Variants in PTCH1 observed in about 807,000 individuals in gnomAD.
PTCH1 encodes the protein protein patched homolog 1.
In PTCH1, 14 loss-of-function variants were observed where a neutral mutation model predicts 144.6. The ratio of observed to expected loss-of-function variants is 0.10; its 90% CI spans 0.06 to 0.15. PTCH1 has a LOEUF of 0.15. Among genes scored for constraint, PTCH1 ranks in the 10% least tolerant of loss-of-function variants. The probability of loss-of-function intolerance (pLI) is 1.00; values close to 1 mark genes in which losing one functional copy is unlikely to be tolerated. For missense variants in PTCH1, 1,623 were observed against 1,948.3 expected, an observed-to-expected ratio of 0.83 and a Z score of 3.14; for synonymous variants, 833 against 793.6, an observed-to-expected ratio of 1.05 and a Z score of -0.83.
intron 1 of PTCH1, chr9:95,506,987 G>A: frequency 1.0e-6 from 1 of 1,000,946 alleles, no homozygotes. Flanking sequence ...GGAGCCCAAG[G>A]TTCAGGAGCC....
chr9:95,495,654 C>T (rs1199098820), intron 2 of PTCH1, among the ~76,000 whole-genome samples: 1 of 152,036 alleles, frequency 6.6e-6, no homozygotes, highest in East Asian at 1.9e-4. Flanking sequence ...TTAGTTCCTC[C>T]TCTTCTAAAG....
rs45593537 is a variant in PTCH1, at chr9:95,446,796, G to A, written c.*1+115C>T. 4,116 of 1,373,134 alleles carry A rather than the reference G, an allele frequency of 3.0e-3. 19 individuals carry two copies. Among genetic ancestry groups the A allele is most frequent in the Non-Finnish European group, 2.9e-3 (2,871 of 974,414 alleles). The allele number at this position is 1,373,134 out of a possible 1,614,324, so 85.1% of individuals were successfully genotyped here. ...GGATAAAAGGTCACTGGGGTCCAGC[G>A]TGGGATGTGCCCGAGCGCCACAGCC... On this transcript the variant is annotated intron_variant, in intron 23 of 23. Transcript: ENST00000331920.
At chr9:95,503,615 CATT>C (rs1172504682) in intron 2 of PTCH1, among the ~76,000 whole-genome samples, 1 of 152,186 alleles carries the variant, frequency 6.6e-6, no homozygotes, top group Non-Finnish European at 1.5e-5. Flanking sequence ...TGACTTATGT[CATT>C]AGTAGGCAAA....
At position 95,446,995 on chromosome 9, in the gene PTCH1, C is replaced by T. The variant is rs575473447; in HGVS notation, c.4261G>A (p.Glu1421Lys). Residue 1421 changes from glutamate (E) to lysine (K), a missense_variant, in exon 23 of 24, where the codon GAG (glutamate) becomes AAG (lysine). By Grantham distance (56) the Glu-to-Lys change is moderately conservative. Transcript: ENST00000331920. ...ACTTCCACCTTCGAATCCCTCCTCT[C>T]ACACCGGACGTGGAAAGGCACGTGG... Reference protein sequence around the residue: ...DPHVPFHVRCERRDSKVEVIE... With the variant: ...DPHVPFHVRCKRRDSKVEVIE... The T allele has an allele frequency of 3.1e-6, 5 of 1,614,236 alleles. No individual in the cohort carries two copies. Among genetic ancestry groups the T allele is most frequent in the South Asian group, 2.2e-5 (2 of 91,092 alleles).
At chr9:95,467,006 C>T (rs1811193481) in intron 15 of PTCH1, 110 bp downstream of exon 15, 5 of 1,210,922 alleles carry the variant, frequency 4.1e-6, no homozygotes, top group Non-Finnish European at 5.9e-6. Flanking sequence ...GTCCATGAAA[C>T]ACGTCAGTGT....
intron 1 of PTCH1, among the ~76,000 whole-genome samples, chr9:95,515,483 T>C (rs1189167689): frequency 1.3e-5 from 2 of 152,158 alleles, no homozygotes; most frequent in African/African-American, 2.4e-5. Flanking sequence ...AACAGATCAG[T>C]TTCCCTGAGA....
intron 2 of PTCH1, 87 bp from the exon 3 acceptor site, chr9:95,485,961 A>C: frequency 7.0e-7 from 1 of 1,428,732 alleles, no homozygotes; most frequent in Non-Finnish European, 9.8e-7. Context: ...GCCATAGGAT[A>C]CACAATAGAT....
chr9:95,450,063 C>T, intron 20 of PTCH1, 123 bp from the exon 21 acceptor site: 1 of 876,820 alleles, frequency 1.1e-6, no homozygotes, highest in Non-Finnish European at 1.9e-6. Context: ...ACTGAAAAGG[C>T]TGTTATCCAA....
In PTCH1 at chr9:95,469,225, C is replaced by T. The variant is rs748028180; in HGVS notation, c.1848-72G>A. ...ATGGTGCTTTCATTCTGCCATTTTT[C>T]ACTGTGTACGGAGAATACCCATTTT... On this transcript the variant is annotated intron_variant, in intron 13 of 23. Transcript: ENST00000331920. 1.2e-4 allele frequency: 185 copies of T among 1,591,108 alleles called. 3 individuals carry two copies. Among genetic ancestry groups the T allele is most frequent in the Admixed American group, 5.0e-5 (3 of 59,696 alleles).
chr9:95,481,815 A>T (rs1841556648), intron 5 of PTCH1, 134 bp downstream of exon 5: 1 of 903,380 alleles, frequency 1.1e-6, no homozygotes, highest in African/African-American at 1.7e-5. Flanking sequence ...CTATTCACTC[A>T]AAAAATGCAC....
At chr9:95,509,372 A>T (rs1232874394), upstream of PTCH1, among the ~76,000 whole-genome samples, 1 of 152,188 alleles carries the variant, frequency 6.6e-6, no homozygotes, top group Non-Finnish European at 1.5e-5. Flanking sequence ...GAGGGCAGAA[A>T]TTACTCAGCA....
intron 2 of PTCH1, among the ~76,000 whole-genome samples, chr9:95,504,897 TA>T (rs1208017276): frequency 6.6e-6 from 1 of 152,200 alleles, no homozygotes; most frequent in Non-Finnish European, 1.5e-5. Context: ...AACACAGTGC[TA>T]GGGACATCAT....
rs542517361 is a variant in PTCH1, at chr9:95,455,177, C to T, written c.3306+1099G>A. 2.0e-4 allele frequency among the ~76,000 whole-genome samples: 30 copies of T among 152,198 alleles called. No homozygotes were observed. The South Asian group carries it at 5.8e-3, about 29-fold the overall frequency. ...GCCATATTATTGGCTTTTTATGATA[C>T]ACTGTAAAAAAAATGGGATAACTTC... On this transcript the variant is annotated intron_variant, in intron 19 of 23. Transcript: ENST00000331920.
chr9:95,469,007 C>A lies in PTCH1; in HGVS notation c.1994G>T (p.Arg665Leu), dbSNP rs139705799. The change falls in exon 14 of 24, where the codon CGC (arginine) becomes CTC (leucine). Residue 665 changes from arginine to leucine, a missense_variant. By Grantham distance (102) the Arg-to-Leu change is moderately radical (BLOSUM62 -2). This residue lies in a region of PTCH1 where 179 missense variants were observed against 165.7 expected (regional missense o/e 1.08). Transcript: ENST00000331920. Reference sequence around the variant, plus strand: ...GTGCGTGTGGGGGTCGTACTCCGTGCGGAGCTGGACAGTGGACTGCATGGT... The same window carrying A: ...GTGCGTGTGGGGGTCGTACTCCGTGAGGAGCTGGACAGTGGACTGCATGGT... ...QITMQSTVQLRTEYDPHTHVY... is the reference protein window; with the variant it reads ...QITMQSTVQLLTEYDPHTHVY... The A allele has an allele frequency of 2.5e-6, 4 of 1,613,916 alleles. No individual in the cohort carries two copies. The highest frequency in any genetic ancestry group is 3.4e-6 in the Non-Finnish European group (4 of 1,180,000).
intron 2 of PTCH1, among the ~76,000 whole-genome samples, chr9:95,503,614 T>A (rs1256023649): frequency 2.0e-5 from 3 of 152,202 alleles, no homozygotes; most frequent in Non-Finnish European, 4.4e-5. Context: ...GTGACTTATG[T>A]CATTAGTAGG....
At chr9:95,509,359 G>A (rs943228856), upstream of PTCH1, among the ~76,000 whole-genome samples, 26 of 151,988 alleles carry the variant, frequency 1.7e-4, no homozygotes, top group African/African-American at 2.6e-4. Context: ...CGATTGGCTC[G>A]CGGAGGGCAG....
At chr9:95,474,496 C>A (rs1840866456) in intron 12 of PTCH1, among the ~76,000 whole-genome samples, 1 of 152,178 alleles carries the variant, frequency 6.6e-6, no homozygotes, top group African/African-American at 2.4e-5. Flanking sequence ...GAACGTTATT[C>A]ATTGATTCAC....
rs199948834 is a variant in PTCH1, at chr9:95,516,738, C to G, written c.-267G>C. 1 of 1,613,390 alleles carries G rather than the reference C, an allele frequency of 6.2e-7. No homozygotes were observed. On this transcript the variant is annotated 5_prime_UTR_variant, in exon 1 of 23. Transcript: ENST00000430669. Reference sequence around the variant, plus strand: ...AAAGGAACGGAAAGTGTAAAAACCCCGGCGCGCTGGGCCGCCGGAGGCTTT... The same window carrying G: ...AAAGGAACGGAAAGTGTAAAAACCCGGGCGCGCTGGGCCGCCGGAGGCTTT...
In PTCH1 at chr9:95,485,781, T is replaced by G. The variant is rs56406491; in HGVS notation, c.488A>C (p.Lys163Thr). 10 of 1,614,190 alleles carry G rather than the reference T, an allele frequency of 6.2e-6. No individual in the cohort carries two copies. In the East Asian group the frequency reaches 2.2e-4, roughly 36 times the overall value. The change falls in exon 3 of 24, where the codon AAA becomes ACA. Residue 163 changes from lysine to threonine, a missense_variant. This residue lies in a region of PTCH1 where 245 missense variants were observed against 240.6 expected (regional missense o/e 1.02). Transcript: ENST00000331920. ...GGTCAGGACATTAGCACCTTCTTCTTTAGGGGTCTGTATCATGAGTTGAGG... is the reference window on the plus strand; with the variant it reads ...GGTCAGGACATTAGCACCTTCTTCTGTAGGGGTCTGTATCATGAGTTGAGG... ...FNPQLMIQTP[K>T]EEGANVLTTE...
Sources: allele counts gnomAD v4.1 joint callset (sites outside exome capture counted in the v4.1 genomes callset), GRCh38; gene constraint gnomAD v4.1.1; regional missense constraint gnomAD v4.1.1; transcripts MANE v1.5; gene names NCBI Gene and HGNC (gene_info 2026-07-23, HGNC 2026-07-21).